Variants in SPAG16 observed in about 807,000 individuals in gnomAD.
SPAG16 encodes the protein sperm-associated antigen 16 protein.
In SPAG16, 86 loss-of-function variants were observed where a neutral mutation model predicts 80.4. The ratio of observed to expected loss-of-function variants is 1.07; its 90% CI spans 0.90 to 1.28. The LOEUF (loss-of-function observed/expected upper bound fraction) is 1.28. Among genes scored for constraint, SPAG16 ranks in the 50% most tolerant of loss-of-function variants. The pLI is 0.00. For synonymous variants in SPAG16, 294 were observed against 265.9 expected, an observed-to-expected ratio of 1.11 and a Z score of -1.03; for missense variants, 870 against 765.3, an observed-to-expected ratio of 1.14 and a Z score of -1.61.
chr2:213,753,180 T>G lies in SPAG16; in HGVS notation c.1071-109305T>G, dbSNP rs191327577. On this transcript the variant is annotated intron_variant, in intron 10 of 15. Transcript: ENST00000331683. The stretch of plus-strand genomic sequence containing the variant: ...GGTGCCCGTCACCACGCCCGGCTAA[T>G]TTTTTGTATTTTTAGTAGAGATGGG... Among the ~76,000 whole-genome samples, 441 of 152,108 alleles carry G rather than the reference T, an allele frequency of 2.9e-3. 1 individual carries two copies. Among genetic ancestry groups the G allele is most frequent in the African/African-American group, 8.8e-3 (365 of 41,518 alleles).
At chr2:213,516,738 CA>C (rs1391314194) in intron 10 of SPAG16, among the ~76,000 whole-genome samples, 1 of 152,042 alleles carries the variant, frequency 6.6e-6, no homozygotes, top group Non-Finnish European at 1.5e-5. Flanking sequence ...AAATGAATGT[CA>C]AAAAATCTCC....
chr2:213,601,182 C>A (rs1276960643), intron 10 of SPAG16, among the ~76,000 whole-genome samples: 1 of 152,164 alleles, frequency 6.6e-6, no homozygotes, highest in Non-Finnish European at 1.5e-5. Flanking sequence ...GTCTTTCTTC[C>A]TGTCATATGA....
intron 10 of SPAG16, among the ~76,000 whole-genome samples, chr2:213,530,400 A>G (rs982920141): frequency 3.3e-5 from 5 of 152,194 alleles, no homozygotes; most frequent in Admixed American, 3.3e-4. Context: ...TGGGACCACC[A>G]TAGTATATAC....
chr2:213,660,740 G>A (rs115077356), intron 10 of SPAG16, among the ~76,000 whole-genome samples: 1,637 of 152,244 alleles, frequency 0.011, 31 homozygotes, highest in African/African-American at 0.037. Context: ...ATCATAGATC[G>A]ATTGCATCTT....
intron 9 of SPAG16, among the ~76,000 whole-genome samples, chr2:213,435,066 C>G (rs2070544498): frequency 1.3e-5 from 2 of 152,140 alleles, no homozygotes; most frequent in African/African-American, 4.8e-5. Flanking sequence ...ACCTAAGTGT[C>G]CATCAGTGAT....
At chr2:214,237,518 A>T (rs939395020) in intron 15 of SPAG16, among the ~76,000 whole-genome samples, 4 of 152,180 alleles carry the variant, frequency 2.6e-5, no homozygotes, top group African/African-American at 9.6e-5. Context: ...AAAATTTAAT[A>T]AGTTAAATGA....
chr2:213,939,493 G>C (rs1318162102), intron 12 of SPAG16, among the ~76,000 whole-genome samples: 2 of 152,152 alleles, frequency 1.3e-5, no homozygotes, highest in Non-Finnish European at 2.9e-5. Flanking sequence ...TTAACGGAAA[G>C]AATTAAAAAC....
intron 1 of SPAG16, among the ~76,000 whole-genome samples, chr2:213,288,596 C>T (rs1402064846): frequency 6.6e-6 from 1 of 152,048 alleles, no homozygotes; most frequent in African/African-American, 2.4e-5. Context: ...CAGGTGTGAG[C>T]CACCGCACCT....
chr2:213,905,003 G>T (rs2077379006), intron 11 of SPAG16, among the ~76,000 whole-genome samples: 1 of 152,166 alleles, frequency 6.6e-6, no homozygotes, highest in Non-Finnish European at 1.5e-5. Context: ...ATTGAAAATA[G>T]ATTATAGAAA....
chr2:213,424,357 A>T (rs1348183462), intron 9 of SPAG16, among the ~76,000 whole-genome samples: 4 of 152,244 alleles, frequency 2.6e-5, no homozygotes, highest in African/African-American at 9.6e-5. Flanking sequence ...TTTTACCATT[A>T]TAGAGATTTG....
intron 15 of SPAG16, among the ~76,000 whole-genome samples, chr2:214,168,136 T>G (rs1027520674): frequency 6.6e-5 from 10 of 151,658 alleles, no homozygotes; most frequent in Admixed American, 1.3e-4. Flanking sequence ...ATTACAGGCA[T>G]GCACCACCAC....
intron 9 of SPAG16, among the ~76,000 whole-genome samples, chr2:213,421,533 G>T (rs1228623621): frequency 3.9e-5 from 6 of 152,204 alleles, no homozygotes; most frequent in African/African-American, 9.6e-5. Context: ...CCACCTTCAA[G>T]CCAGGCATGG....
At chr2:213,739,435 G>C (rs2125449332) in intron 10 of SPAG16, among the ~76,000 whole-genome samples, 1 of 152,116 alleles carries the variant, frequency 6.6e-6, no homozygotes, top group East Asian at 1.9e-4. Context: ...GTTTCATTTA[G>C]TTCTTACCTT....
chr2:213,767,060 C>T (rs1191452230), intron 10 of SPAG16, among the ~76,000 whole-genome samples: 3 of 152,156 alleles, frequency 2.0e-5, no homozygotes, highest in Admixed American at 6.5e-5. Context: ...GCCAGGCATA[C>T]GTTTATCATC....
rs34266823 is a variant in SPAG16 at position 213,907,475 on chromosome 2, CA to C, written c.1215-22472del. 8.4e-4 allele frequency among the ~76,000 whole-genome samples: 122 copies of C among 145,906 alleles called. 1 individual carries two copies. Among genetic ancestry groups the C allele is most frequent in the Middle Eastern group, 3.6e-3 (1 of 276 alleles). ...TTTGGAAAACAGCGTGGAGGTTTCTCAAAAAAAAAAAAATCTAAAAATAGAA... is the reference window on the plus strand; with the variant it reads ...TTTGGAAAACAGCGTGGAGGTTTCTCAAAAAAAAAAAATCTAAAAATAGAA... On this transcript the variant is annotated intron_variant, in intron 11 of 15. Transcript: ENST00000331683.
chr2:213,652,142 C>A (rs1200915602), intron 10 of SPAG16, among the ~76,000 whole-genome samples: 1 of 152,072 alleles, frequency 6.6e-6, no homozygotes, highest in Non-Finnish European at 1.5e-5. Flanking sequence ...AGCTGTGACC[C>A]CAGGTATACT....
At chr2:213,766,604 TG>T (rs2068950180) in intron 10 of SPAG16, among the ~76,000 whole-genome samples, 1 of 152,120 alleles carries the variant, frequency 6.6e-6, no homozygotes, top group African/African-American at 2.4e-5. Context: ...AGCTCAGATA[TG>T]GGGGTGGTCT....
intron 13 of SPAG16, among the ~76,000 whole-genome samples, chr2:214,088,037 A>C (rs999166814): frequency 1.3e-5 from 2 of 152,118 alleles, no homozygotes; most frequent in African/African-American, 4.8e-5. Context: ...CAGTGTGAAA[A>C]GGAAGAGGAA....
At chr2:213,791,778 A>G (rs1197769139) in intron 10 of SPAG16, among the ~76,000 whole-genome samples, 1 of 152,164 alleles carries the variant, frequency 6.6e-6, no homozygotes, top group African/African-American at 2.4e-5. Context: ...AATGGAAAGG[A>G]TTAGGAGTGA....
Sources: gnomAD v4.1 joint callset for allele counts (sites outside exome capture counted in the v4.1 genomes callset) on GRCh38, gnomAD v4.1.1 for gene constraint, MANE v1.5 for transcripts, NCBI Gene and HGNC (gene_info 2026-07-23, HGNC 2026-07-21) for gene names.